The following SVEP1 variants were observed in gnomAD, a reference collection of about 807,000 sequenced individuals.
SVEP1 encodes sushi, von Willebrand factor type A, EGF and pentraxin domain containing 1.
A neutral mutation model predicts 367.3 loss-of-function variants in SVEP1; 164 were observed. That is an observed-to-expected ratio of 0.45 (90% CI 0.39 to 0.51). The LOEUF (loss-of-function observed/expected upper bound fraction) is 0.51. Among genes scored for constraint, SVEP1 ranks in the 20% least tolerant of loss-of-function variants. SVEP1 has a pLI of 0.00. For synonymous variants in SVEP1, 1,666 were observed against 1,611.6 expected, an observed-to-expected ratio of 1.03 and a Z score of -0.81; for missense variants, 4,117 against 4,425.3, an observed-to-expected ratio of 0.93 and a Z score of 1.98.
chr9:110,395,632 G>A (rs1203446717), intron 40 of SVEP1, among the ~76,000 whole-genome samples: 2 of 151,926 alleles, frequency 1.3e-5, no homozygotes, highest in East Asian at 3.8e-4. Flanking sequence ...GACACACATA[G>A]GCTCAAAATA....
At chr9:110,544,309 A>C (rs1162314045) in intron 3 of SVEP1, among the ~76,000 whole-genome samples, 1 of 152,168 alleles carries the variant, frequency 6.6e-6, no homozygotes, top group Non-Finnish European at 1.5e-5. Context: ...AAGCAAACCC[A>C]GTGCTCCCAA....
At chr9:110,436,555 G>A in intron 27 of SVEP1, 51 bp from the exon 28 acceptor site, 1 of 1,567,006 alleles carries the variant, frequency 6.4e-7, no homozygotes, top group Non-Finnish European at 8.7e-7. Context: ...CTGATGGTCT[G>A]TTATTCCTAA....
rs961430425 is a variant in SVEP1, at chr9:110,469,099, T to A, written c.3001A>T (p.Asn1001Tyr). 11 of 1,609,678 alleles carry A rather than the reference T, an allele frequency of 6.8e-6. No individual in the cohort carries two copies. The highest frequency in any genetic ancestry group is 8.5e-6 in the Non-Finnish European group (10 of 1,177,734). ...TTATAATAGGTTCCCAAAGGGCAATTGACTACAGAAAAAGCAAACAGGAAA... is the reference window on the plus strand; with the variant it reads ...TTATAATAGGTTCCCAAAGGGCAATAGACTACAGAAAAAGCAAACAGGAAA... ...GSVLRGRMCV[N>Y]CPLGTYYNLE... Residue 1001 changes from asparagine to tyrosine, a missense_variant and splice_region_variant, in exon 17 of 48, where the codon AAT (asparagine) becomes TAT (tyrosine). Asn to Tyr is a moderately radical substitution (Grantham distance 143). This residue lies in a region of SVEP1 where 2,174 missense variants were observed against 2,494.3 expected (regional missense o/e 0.87). Transcript: ENST00000374469.
chr9:110,376,019 T>TATCA (rs764168457), intron 45 of SVEP1, among the ~76,000 whole-genome samples: 5 of 152,212 alleles, frequency 3.3e-5, no homozygotes, highest in Non-Finnish European at 5.9e-5. Flanking sequence ...TGTTCATGAC[T>TATCA]ATCATTCCTC....
At chr9:110,404,636 A>G in intron 38 of SVEP1, 84 bp from the exon 39 acceptor site, 2 of 1,243,174 alleles carry the variant, frequency 1.6e-6, no homozygotes, top group East Asian at 2.3e-5. Flanking sequence ...AAGCTGTTAC[A>G]AGGCTCAGTA....
chr9:110,485,013 G>A lies in SVEP1; in HGVS notation c.1931-1320C>T, dbSNP rs183702024. 7.9e-5 allele frequency among the ~76,000 whole-genome samples: 12 copies of A among 152,336 alleles called. No individual in the cohort carries two copies. In the East Asian group the frequency reaches 1.5e-3, roughly 20 times the overall value. The stretch of plus-strand genomic sequence containing the variant: ...AATGTAAATTAGTTCAACCGTTGTG[G>A]ATGACAATGTGGTGATTCCTCAAAG... On this transcript the variant is annotated intron_variant, in intron 9 of 47. Transcript: ENST00000374469.
intron 43 of SVEP1, among the ~76,000 whole-genome samples, chr9:110,380,870 A>G (rs1252038637): frequency 6.6e-6 from 1 of 152,080 alleles, no homozygotes; most frequent in African/African-American, 2.4e-5. Flanking sequence ...TTTCAGAACT[A>G]GTTATTGGTC....
chr9:110,574,372 T>C (rs1266815278), intron 1 of SVEP1, among the ~76,000 whole-genome samples: 1 of 152,222 alleles, frequency 6.6e-6, no homozygotes, highest in Non-Finnish European at 1.5e-5. Flanking sequence ...ATCTCAGAAA[T>C]GTCCCTGTGA....
intron 1 of SVEP1, among the ~76,000 whole-genome samples, chr9:110,556,293 G>A (rs1478773946): frequency 6.6e-6 from 1 of 152,098 alleles, no homozygotes; most frequent in East Asian, 1.9e-4. Context: ...CAAGAGAACT[G>A]TTTTGAAAAA....
intron 3 of SVEP1, among the ~76,000 whole-genome samples, chr9:110,522,044 T>G (rs1390353403): frequency 6.6e-6 from 1 of 152,214 alleles, no homozygotes; most frequent in Non-Finnish European, 1.5e-5. Context: ...AGTCTCTTGT[T>G]AAACTACTTT....
Position 110,366,077 on chromosome 9 carries a change from G to C in SVEP1, c.*462C>G, listed in dbSNP as rs752302404. 3 of 153,680 alleles carry C rather than the reference G, an allele frequency of 2.0e-5. No individual in the cohort carries two copies. The highest frequency in any genetic ancestry group is 2.9e-5 in the Non-Finnish European group (2 of 68,986). The allele number at this position is 153,680 out of a possible 1,614,324, so 9.5% of individuals were successfully genotyped here. On this transcript the variant is annotated 3_prime_UTR_variant, in exon 48 of 48. Coordinates refer to ENST00000374469, the MANE Select transcript of SVEP1 (RefSeq NM_153366.4). ...AACAAAGGGGTCTCCTTTATTGTAAGGGGTCTCCTATGTGGTGCCAGTGGC... is the reference window on the plus strand; with the variant it reads ...AACAAAGGGGTCTCCTTTATTGTAACGGGTCTCCTATGTGGTGCCAGTGGC...
intron 1 of SVEP1, among the ~76,000 whole-genome samples, chr9:110,565,912 A>T (rs1414365282): frequency 1.3e-5 from 2 of 152,004 alleles, no homozygotes; most frequent in Admixed American, 1.3e-4. Context: ...ACTTTGGCCC[A>T]GACTGCCTGG....
chr9:110,371,937 C>T (rs1564121143), intron 46 of SVEP1, among the ~76,000 whole-genome samples: 2 of 152,184 alleles, frequency 1.3e-5, no homozygotes, highest in African/African-American at 2.4e-5. Flanking sequence ...AAAGAAAATC[C>T]GATCACATGA....
intron 36 of SVEP1, among the ~76,000 whole-genome samples, chr9:110,413,162 C>T (rs1365542031): frequency 1.5e-5 from 2 of 134,086 alleles, no homozygotes; most frequent in African/African-American, 2.8e-5. Context: ...CAATGATAGA[C>T]TGGATTAAGA....
rs182818737 is a variant in SVEP1 at position 110,509,362 on chromosome 9, C to T, written c.1303+3564G>A. 2.4e-3 allele frequency among the ~76,000 whole-genome samples: 359 copies of T among 152,262 alleles called. 3 individuals are homozygous for T. The highest frequency in any genetic ancestry group is 8.1e-3 in the African/African-American group (338 of 41,540). On this transcript the variant is annotated intron_variant, in intron 5 of 47. Coordinates refer to ENST00000374469, the MANE Select transcript of SVEP1 (RefSeq NM_153366.4). ...CTGAGCATTAGTGAAAGTGTAAGGG[C>T]CTGGGTAAGTACCTTCATTCAGTAC... is the stretch of plus-strand genomic sequence containing the variant.
At chr9:110,376,092 C>A (rs1349136626) in intron 45 of SVEP1, among the ~76,000 whole-genome samples, 3 of 152,204 alleles carry the variant, frequency 2.0e-5, no homozygotes, top group Non-Finnish European at 4.4e-5. Flanking sequence ...GAGTTTGTTG[C>A]TTTGCTCCCC....
intron 3 of SVEP1, among the ~76,000 whole-genome samples, chr9:110,536,349 G>T (rs1352226297): frequency 1.3e-5 from 2 of 151,932 alleles, no homozygotes; most frequent in African/African-American, 4.8e-5. Context: ...AATGACATTA[G>T]AAAAACTACT....
chr9:110,508,276 C>A (rs1319254844), intron 5 of SVEP1, among the ~76,000 whole-genome samples: 1 of 150,790 alleles, frequency 6.6e-6, no homozygotes, highest in Non-Finnish European at 1.5e-5. Flanking sequence ...TGGTTCCCAT[C>A]TTAAAGACTA....
In SVEP1 at chr9:110,445,857, C is replaced by A. The variant is rs1828585685; in HGVS notation, c.4443G>T (p.Leu1481Phe). 1 of 1,613,834 alleles carries A rather than the reference C, an allele frequency of 6.2e-7. No homozygotes were observed. Among genetic ancestry groups the A allele is most frequent in the East Asian group, 2.2e-5 (1 of 44,882 alleles). ...CTTACCCGTTATAATCAGTCAGGAGCAAGGTATTGTCGCTGCCGTTATCAA... is the reference window on the plus strand; with the variant it reads ...CTTACCCGTTATAATCAGTCAGGAGAAAGGTATTGTCGCTGCCGTTATCAA... ...YAVDNGSDNT[L>F]LLTDYNGWVL... Residue 1481 changes from leucine (L) to phenylalanine (F), a missense_variant, in exon 26 of 48, where the codon TTG becomes TTT. By Grantham distance (22) the Leu-to-Phe change is conservative. This residue lies in a region of SVEP1 where 2,174 missense variants were observed against 2,494.3 expected (regional missense o/e 0.87). Transcript: ENST00000374469.
Sources: allele counts gnomAD v4.1 joint callset (sites outside exome capture counted in the v4.1 genomes callset), GRCh38; gene constraint gnomAD v4.1.1; regional missense constraint gnomAD v4.1.1; transcripts MANE v1.5; gene names NCBI Gene and HGNC (gene_info 2026-07-23, HGNC 2026-07-21).